NCOA2: variants seen among roughly 807,000 people sequenced by gnomAD.
NCOA2 encodes the protein nuclear receptor coactivator 2.
Under a neutral mutation model 145.1 loss-of-function variants are expected in NCOA2, and 21 were observed. That is an observed-to-expected ratio of 0.14 (90% CI 0.10 to 0.21). NCOA2 has a LOEUF of 0.21. Among genes scored for constraint, NCOA2 ranks in the 10% least tolerant of loss-of-function variants. The pLI, the probability that NCOA2 is intolerant of heterozygous loss-of-function variation, is 1.00. For missense variants in NCOA2, 1,472 were observed against 1,837.6 expected (o/e 0.80, Z 3.64); for synonymous variants, 619 against 637.5 (o/e 0.97, Z 0.44).
At chr8:70,249,475 T>C (rs569144920) in intron 2 of NCOA2, among the ~76,000 whole-genome samples, 4 of 152,284 alleles carry the variant, frequency 2.6e-5, no homozygotes, top group Admixed American at 2.6e-4. Context: ...TGTCTTAGGT[T>C]CCTTATCTAT....
chr8:70,354,472 G>T (rs1294203825), intron 1 of NCOA2, among the ~76,000 whole-genome samples: 1 of 152,142 alleles, frequency 6.6e-6, no homozygotes, highest in Non-Finnish European at 1.5e-5. Flanking sequence ...TAAGGCAGTA[G>T]CAAACATTCT....
At chr8:70,429,698 T>G in the NCOA2 span, among the ~76,000 whole-genome samples, 6 of 152,324 alleles carry the variant, frequency 3.9e-5, no homozygotes, top group South Asian at 1.2e-3. Context: ...GTAATACATA[T>G]GAGGTTTTAA....
intron 11 of NCOA2, among the ~76,000 whole-genome samples, chr8:70,149,955 G>C (rs1034859345): frequency 6.6e-6 from 1 of 152,060 alleles, no homozygotes; most frequent in African/African-American, 2.4e-5. Context: ...ATTTTTATCC[G>C]ACATACAATT....
intron 1 of NCOA2, among the ~76,000 whole-genome samples, chr8:70,331,585 C>CT (rs770002053): frequency 7.9e-5 from 12 of 152,006 alleles, no homozygotes; most frequent in Non-Finnish European, 1.6e-4. Flanking sequence ...TCTAAAAAGT[C>CT]TAACATTTTG....
At chr8:70,238,916 T>C (rs1041237667) in intron 2 of NCOA2, among the ~76,000 whole-genome samples, 1 of 152,148 alleles carries the variant, frequency 6.6e-6, no homozygotes, top group Non-Finnish European at 1.5e-5. Flanking sequence ...TGTGTCCCCA[T>C]TTCCCTCCAT....
chr8:70,121,323 C>T lies in NCOA2; in HGVS notation c.4362G>A (p.Lys1454=), dbSNP rs1807782544. The part of the protein sequence containing the change: ...PNQLPGMDMI[K]QEGDTTRKYC ...TTACCCGTGTTGTGTCTCCCTCCTG[C>T]TTAATCATATCCATTCCAGGCAGCT... Residue 1454 remains lysine, a synonymous_variant, in exon 22 of 23, where the codon AAG becomes AAA. Coordinates refer to ENST00000452400, the MANE Select transcript of NCOA2 (RefSeq NM_006540.4). 2 of 1,612,954 alleles carry T rather than the reference C, an allele frequency of 1.2e-6. No individual in the cohort carries two copies. The highest frequency in any genetic ancestry group is 1.3e-5 in the African/African-American group (1 of 75,054).
chr8:70,391,365 G>A (rs543943519), intron 1 of NCOA2, among the ~76,000 whole-genome samples: 19 of 152,294 alleles, frequency 1.2e-4, no homozygotes, highest in African/African-American at 4.1e-4. Flanking sequence ...CTTCCCAGGA[G>A]GGAAAAAATA....
At chr8:70,127,784 C>G (rs991764212) in intron 18 of NCOA2, among the ~76,000 whole-genome samples, 2 of 152,194 alleles carry the variant, frequency 1.3e-5, no homozygotes, top group African/African-American at 2.4e-5. Flanking sequence ...TTCAGATATG[C>G]AATGTGCACA....
chr8:70,302,315 A>G (rs1489457780), intron 1 of NCOA2, among the ~76,000 whole-genome samples: 1 of 152,194 alleles, frequency 6.6e-6, no homozygotes, highest in Non-Finnish European at 1.5e-5. Flanking sequence ...TTTCCCAATA[A>G]GTTTGATGGT....
chr8:70,366,067 G>A (rs1194248237), intron 1 of NCOA2, among the ~76,000 whole-genome samples: 1 of 152,204 alleles, frequency 6.6e-6, no homozygotes, highest in African/African-American at 2.4e-5. Context: ...ACAAAGCCAT[G>A]AGCATGTGCT....
chr8:70,193,250 TAAC>T (rs1329936075), intron 4 of NCOA2, among the ~76,000 whole-genome samples: 2 of 152,128 alleles, frequency 1.3e-5, no homozygotes, highest in Non-Finnish European at 2.9e-5. Flanking sequence ...GCAATATTGA[TAAC>T]AATAGGCCTT....
intron 1 of NCOA2, among the ~76,000 whole-genome samples, chr8:70,318,636 C>A (rs896480894): frequency 6.6e-6 from 1 of 152,096 alleles, no homozygotes; most frequent in Non-Finnish European, 1.5e-5. Flanking sequence ...GGCTTAGTGG[C>A]GCCTGCCTGT....
intron 19 of NCOA2, among the ~76,000 whole-genome samples, chr8:70,126,279 G>A (rs1427529490): frequency 1.3e-5 from 2 of 152,012 alleles, no homozygotes; most frequent in Non-Finnish European, 2.9e-5. Context: ...ATATGAAGAG[G>A]ACTAAAAGGT....
At chr8:70,168,528 C>T (rs1170295917) in intron 6 of NCOA2, among the ~76,000 whole-genome samples, 1 of 152,142 alleles carries the variant, frequency 6.6e-6, no homozygotes, top group Non-Finnish European at 1.5e-5. Context: ...GCCATGTTGG[C>T]CAGGCTGGTC....
At chr8:70,265,786 C>A (rs2135165843) in intron 2 of NCOA2, among the ~76,000 whole-genome samples, 1 of 152,120 alleles carries the variant, frequency 6.6e-6, no homozygotes, top group South Asian at 2.1e-4. Context: ...CCCTGTGTAC[C>A]AAGAGCAAAC....
intron 1 of NCOA2, among the ~76,000 whole-genome samples, chr8:70,343,052 C>T (rs945911546): frequency 4.6e-5 from 7 of 152,130 alleles, no homozygotes; most frequent in African/African-American, 1.7e-4. Context: ...TATTTAGTAT[C>T]CTCCTATGGT....
intron 2 of NCOA2, among the ~76,000 whole-genome samples, chr8:70,278,972 A>G (rs1270061265): frequency 6.8e-6 from 1 of 147,942 alleles, no homozygotes; most frequent in African/African-American, 2.5e-5. Context: ...GTCTCCCCCA[A>G]CCAAAAAAAA....
intron 13 of NCOA2, 134 bp downstream of exon 13, chr8:70,144,508 G>A (rs1442913363): frequency 6.8e-6 from 5 of 738,012 alleles, no homozygotes; most frequent in East Asian, 2.7e-5. Flanking sequence ...AAAATCTGTA[G>A]AATTTTCTCA....
chr8:70,317,788 A>T (rs914706212), intron 1 of NCOA2, among the ~76,000 whole-genome samples: 1 of 152,154 alleles, frequency 6.6e-6, no homozygotes, highest in Non-Finnish European at 1.5e-5. Context: ...AGGCCAGCAC[A>T]GTGGCTCATA....
Sources: allele counts gnomAD v4.1 joint callset (sites outside exome capture counted in the v4.1 genomes callset), GRCh38; gene constraint gnomAD v4.1.1; transcripts MANE v1.5; gene names NCBI Gene and HGNC (gene_info 2026-07-23, HGNC 2026-07-21).